ANTXR1: variants seen among roughly 807,000 people sequenced by gnomAD.
ANTXR1 encodes the protein ANTXR cell adhesion molecule 1, also known as anthrax toxin receptor 1.
A neutral mutation model predicts 78.1 loss-of-function variants in ANTXR1; 19 were observed. The ratio of observed to expected loss-of-function variants is 0.24; its 90% CI spans 0.17 to 0.36. ANTXR1 has a LOEUF of 0.36. ANTXR1 is among the 10% of genes least tolerant of loss of function. ANTXR1 has a pLI of 1.00. For missense variants in ANTXR1, 518 were observed against 718.6 expected, an observed-to-expected ratio of 0.72 and a Z score of 3.19; for synonymous variants, 273 against 260.5, an observed-to-expected ratio of 1.05 and a Z score of -0.46.
intron 13 of ANTXR1, among the ~76,000 whole-genome samples, chr2:69,163,238 G>A (rs1673731933): frequency 6.6e-6 from 1 of 151,862 alleles, no homozygotes; most frequent in Non-Finnish European, 1.5e-5. Context: ...ATGACTCAGC[G>A]TCTTGTTATT....
At chr2:69,231,226 A>ACTG (rs1320213992) in intron 17 of ANTXR1, among the ~76,000 whole-genome samples, 9 of 152,150 alleles carry the variant, frequency 5.9e-5, no homozygotes, top group African/African-American at 2.2e-4. Context: ...CAAAATGAAC[A>ACTG]CTGCAGGATA....
At chr2:69,202,338 CTG>C (rs935052492) in intron 17 of ANTXR1, among the ~76,000 whole-genome samples, 1 of 152,080 alleles carries the variant, frequency 6.6e-6, no homozygotes, top group African/African-American at 2.4e-5. Flanking sequence ...AAGATGCAAA[CTG>C]AGAGCAATCA....
At chr2:69,050,945 T>C (rs753387410) in intron 3 of ANTXR1, among the ~76,000 whole-genome samples, 53 of 152,224 alleles carry the variant, frequency 3.5e-4, no homozygotes, top group Non-Finnish European at 6.0e-4. Context: ...CTATTATTAG[T>C]TCCTTCCTTC....
At position 69,183,568 on chromosome 2, in the gene ANTXR1, A is replaced by ATTTTTG. The variant is rs1425025448; in HGVS notation, c.1353+914_1353+919dup. Among the ~76,000 whole-genome samples, 772 of 118,278 alleles carry ATTTTTG rather than the reference A, an allele frequency of 6.5e-3. 54 individuals carry two copies. Among genetic ancestry groups the ATTTTTG allele is most frequent in the Middle Eastern group, 8.8e-3 (2 of 226 alleles). 77.6% of individuals were successfully genotyped at this position (118,278 alleles called of 152,430 possible). ...GGGCACGCACCACCACACCCAGCTAATTTTTGTTTTTTTTTTTTTTTTTTT... is the reference window on the plus strand; with the variant it reads ...GGGCACGCACCACCACACCCAGCTAATTTTTGTTTTTGTTTTTTTTTTTTTTTTTTT... On this transcript the variant is annotated intron_variant, in intron 16 of 17. Coordinates refer to ENST00000303714, the MANE Select transcript of ANTXR1 (RefSeq NM_032208.3).
rs76647607 is a variant in ANTXR1, at chr2:69,021,770, G to A, written c.152+8119G>A. On this transcript the variant is annotated intron_variant, in intron 1 of 17. Transcript: ENST00000303714. Reference sequence around the variant, plus strand: ...AAACGTATAATTATAGCTTGCTTTGGCTTGAATAAGCAAGAAAGAAGTAGC... The same window carrying A: ...AAACGTATAATTATAGCTTGCTTTGACTTGAATAAGCAAGAAAGAAGTAGC... Among the ~76,000 whole-genome samples the A allele has an allele frequency of 5.4e-3, 819 of 152,326 alleles. 5 individuals are homozygous for A. The highest frequency in any genetic ancestry group is 0.018 in the African/African-American group (766 of 41,574).
intron 8 of ANTXR1, among the ~76,000 whole-genome samples, chr2:69,085,604 G>A (rs1026625314): frequency 6.6e-6 from 1 of 151,976 alleles, no homozygotes; most frequent in South Asian, 2.1e-4. Context: ...TTTATTTAAT[G>A]CCTACTATGT....
chr2:69,189,253 A>G (rs10196331), intron 16 of ANTXR1, among the ~76,000 whole-genome samples: 12,826 of 152,228 alleles, frequency 0.084, 1,785 homozygotes, highest in African/African-American at 0.29. Context: ...GAAGAGCCCA[A>G]TGACAGCAGC....
chr2:69,029,041 A>ACC (rs58379246), intron 1 of ANTXR1, among the ~76,000 whole-genome samples: 98 of 136,656 alleles, frequency 7.2e-4, no homozygotes, highest in Middle Eastern at 7.5e-3. Flanking sequence ...ACATGTTGAG[A>ACC]CCCCCCCCCC....
At chr2:69,156,757 G>C (rs969945368) in intron 13 of ANTXR1, among the ~76,000 whole-genome samples, 1 of 152,164 alleles carries the variant, frequency 6.6e-6, no homozygotes, top group Non-Finnish European at 1.5e-5. Context: ...AGCACCAAAG[G>C]GATGATGCTA....
chr2:69,118,074 C>G (rs1672210005), intron 10 of ANTXR1, among the ~76,000 whole-genome samples: 1 of 152,078 alleles, frequency 6.6e-6, no homozygotes, highest in East Asian at 1.9e-4. Context: ...TCTAAAATAT[C>G]TTTGGTAATG....
chr2:69,098,527 C>T (rs1025914536), intron 9 of ANTXR1, among the ~76,000 whole-genome samples: 7 of 152,114 alleles, frequency 4.6e-5, no homozygotes, highest in African/African-American at 1.7e-4. Flanking sequence ...TTATTGAGGT[C>T]ATCTCAAAGC....
In ANTXR1 at chr2:69,013,549, C is replaced by T. The variant is rs772330033; in HGVS notation, c.50C>T (p.Ser17Phe). ...CTCGGCATCGGCTTCCAGTGGCTCT[C>T]TTTGGCCACTCTGGTGCTCATCTGC... Reference protein sequence around the residue: ...RALGIGFQWLSLATLVLICAG... With the variant: ...RALGIGFQWLFLATLVLICAG... Residue 17 changes from serine (S) to phenylalanine (F), a missense_variant, in exon 1 of 18, where the codon TCT becomes TTT. Ser to Phe is a radical substitution (Grantham distance 155). Coordinates refer to ENST00000303714, the MANE Select transcript of ANTXR1 (RefSeq NM_032208.3). This position sits in a 1 kb window ranked among gnomAD's most constrained non-coding sequence, Gnocchi z 5.0. 3.8e-6 allele frequency: 6 copies of T among 1,581,394 alleles called. No homozygotes were observed. Among genetic ancestry groups the T allele is most frequent in the Non-Finnish European group, 5.2e-6 (6 of 1,164,744 alleles).
intron 4 of ANTXR1, among the ~76,000 whole-genome samples, chr2:69,071,076 A>C (rs1429405149): frequency 1.3e-5 from 2 of 152,226 alleles, no homozygotes; most frequent in Non-Finnish European, 2.9e-5. Context: ...GCTTTAAGGG[A>C]AACAAGACCA....
At chr2:69,201,286 G>A (rs1247132370) in intron 17 of ANTXR1, among the ~76,000 whole-genome samples, 2 of 152,160 alleles carry the variant, frequency 1.3e-5, no homozygotes, top group African/African-American at 2.4e-5. Context: ...AGTTGGGGAG[G>A]TAGAATATTC....
intron 12 of ANTXR1, among the ~76,000 whole-genome samples, chr2:69,133,054 C>G (rs1044004882): frequency 6.6e-6 from 1 of 152,156 alleles, no homozygotes; most frequent in African/African-American, 2.4e-5. Context: ...TGAGGAGTGT[C>G]CACTTCATGG....
intron 8 of ANTXR1, among the ~76,000 whole-genome samples, chr2:69,088,047 CTG>C (rs756486387): frequency 6.6e-6 from 1 of 152,198 alleles, no homozygotes; most frequent in Non-Finnish European, 1.5e-5. Flanking sequence ...ATTGGGAAAG[CTG>C]TGTTTTTACT....
chr2:69,171,547 G>A (rs1673985542), intron 14 of ANTXR1, among the ~76,000 whole-genome samples: 1 of 152,336 alleles, frequency 6.6e-6, no homozygotes, highest in East Asian at 1.9e-4. Flanking sequence ...TTTGCCTGGA[G>A]GCAAATAACA....
chr2:69,038,554 C>G (rs1057301933), intron 1 of ANTXR1, among the ~76,000 whole-genome samples: 1 of 152,128 alleles, frequency 6.6e-6, no homozygotes, highest in South Asian at 2.1e-4. Context: ...CATGTGTTCT[C>G]CACATAAAAT....
chr2:69,137,552 G>C (rs1573922897), intron 12 of ANTXR1, among the ~76,000 whole-genome samples: 1 of 152,152 alleles, frequency 6.6e-6, no homozygotes, highest in East Asian at 1.9e-4. Context: ...ATTGAAAAAG[G>C]ATCTGAAAAG....
Sources: gnomAD v4.1 joint callset for allele counts (sites outside exome capture counted in the v4.1 genomes callset) on GRCh38, gnomAD v4.1.1 for gene constraint, Gnocchi (gnomAD v3.1) non-coding constraint, MANE v1.5 for transcripts, NCBI Gene and HGNC (gene_info 2026-07-23, HGNC 2026-07-21) for gene names.